The following HSPA12A variants were observed in gnomAD, a reference collection of about 807,000 sequenced individuals.
HSPA12A encodes the protein heat shock protein family A (Hsp70) member 12A, also known as heat shock 70 kDa protein 12A.
Under a neutral mutation model 69.2 loss-of-function variants are expected in HSPA12A, and 28 were observed. That is an observed-to-expected ratio of 0.40 (90% CI 0.30 to 0.55). The LOEUF (loss-of-function observed/expected upper bound fraction) is 0.55, where lower values mean the gene tolerates loss of function less well. Ranked by LOEUF, HSPA12A falls within the 20% of genes least tolerant of loss-of-function variation. HSPA12A has a pLI of 0.38. For missense variants in HSPA12A, 686 were observed against 900.7 expected (o/e 0.76, Z 3.05); for synonymous variants, 345 against 370.5 (o/e 0.93, Z 0.79).
chr10:116,695,755 G>A (rs1457682818), intron 5 of HSPA12A, among the ~76,000 whole-genome samples: 2 of 151,914 alleles, frequency 1.3e-5, no homozygotes, highest in Admixed American at 1.3e-4. Context: ...GGCAGAGCTT[G>A]CAGTGAGCCA....
chr10:116,692,282 TAC>T, intron 6 of HSPA12A, 67 bp downstream of exon 6: 1 of 1,243,570 alleles, frequency 8.0e-7, no homozygotes, highest in Non-Finnish European at 1.2e-6. Flanking sequence ...TGGGCGGGGC[TAC>T]AGTCACCACC....
chr10:116,728,242 T>G (rs574691547), intron 1 of HSPA12A, among the ~76,000 whole-genome samples: 2 of 152,224 alleles, frequency 1.3e-5, no homozygotes, highest in African/African-American at 4.8e-5. Flanking sequence ...TGCCCAGCCT[T>G]GTAAGTGTTC....
chr10:116,693,417 C>T (rs1020779828), intron 5 of HSPA12A, among the ~76,000 whole-genome samples: 1 of 152,144 alleles, frequency 6.6e-6, no homozygotes, highest in Admixed American at 6.5e-5. Context: ...CAATGGAGAT[C>T]ATAAAACTAA....
At chr10:116,812,180 C>T (rs1204271119) in intron 2 of HSPA12A, among the ~76,000 whole-genome samples, 4 of 152,158 alleles carry the variant, frequency 2.6e-5, no homozygotes, top group East Asian at 1.9e-4. Context: ...TGGCTGGGCA[C>T]GCTGGCTCAT....
chr10:116,835,373 A>C (rs1015696301), intron 1 of HSPA12A: 2 of 153,520 alleles, frequency 1.3e-5, no homozygotes, highest in African/African-American at 4.8e-5. Flanking sequence ...AGAGCTGCCA[A>C]AACTGAGGAA....
chr10:116,741,300 C>T (rs1389165379), intron 1 of HSPA12A, among the ~76,000 whole-genome samples: 1 of 152,254 alleles, frequency 6.6e-6, no homozygotes, highest in Non-Finnish European at 1.5e-5. Flanking sequence ...GACAGGGAAC[C>T]CAGCGCAGAT....
At chr10:116,791,952 CA>C (rs1418193714) in intron 2 of HSPA12A, among the ~76,000 whole-genome samples, 2 of 152,076 alleles carry the variant, frequency 1.3e-5, no homozygotes, top group African/African-American at 4.8e-5. Flanking sequence ...TCATCCTGCC[CA>C]GGTGTCTCTG....
At chr10:116,844,873 C>T (rs909637028) in intron 1 of HSPA12A, among the ~76,000 whole-genome samples, 66 of 152,210 alleles carry the variant, frequency 4.3e-4, no homozygotes, top group African/African-American at 1.5e-3. Context: ...TGAACAAATA[C>T]GTCTTTATTC....
chr10:116,805,585 G>C (rs1047743819), intron 2 of HSPA12A, among the ~76,000 whole-genome samples: 1 of 151,890 alleles, frequency 6.6e-6, no homozygotes, highest in Admixed American at 6.6e-5. Context: ...GATGTTGGGC[G>C]GGGGGGTACT....
intron 1 of HSPA12A, among the ~76,000 whole-genome samples, chr10:116,734,434 A>G (rs1620936): frequency 0.67 from 97,724 of 146,490 alleles, 33,531 homozygotes; most frequent in Middle Eastern, 0.86. Context: ...TGGGCAATAG[A>G]GCGAGACTCT....
chr10:116,839,345 C>T (rs1001147778), intron 1 of HSPA12A, among the ~76,000 whole-genome samples: 1 of 152,160 alleles, frequency 6.6e-6, no homozygotes, highest in African/African-American at 2.4e-5. Context: ...ACGAAGACCC[C>T]GGCTCTTCTT....
chr10:116,725,677 T>G (rs1554884888), intron 1 of HSPA12A, among the ~76,000 whole-genome samples: 2 of 152,180 alleles, frequency 1.3e-5, no homozygotes, highest in East Asian at 3.9e-4. Flanking sequence ...GGCGCTATCT[T>G]GGGACACAAA....
At chr10:116,755,758 A>G (rs1436764302) in intron 2 of HSPA12A, among the ~76,000 whole-genome samples, 3 of 151,128 alleles carry the variant, frequency 2.0e-5, no homozygotes, top group Non-Finnish European at 4.4e-5. Context: ...GCATGAGCCC[A>G]GGAATTCAGG....
intron 2 of HSPA12A, among the ~76,000 whole-genome samples, chr10:116,755,671 G>A (rs970384237): frequency 3.1e-4 from 47 of 150,650 alleles, no homozygotes; most frequent in Non-Finnish European, 7.4e-5. Context: ...CTTATTAAGC[G>A]GGGGATTGGG....
chr10:116,743,442 C>G (rs1277020722), upstream of HSPA12A, among the ~76,000 whole-genome samples: 1 of 152,200 alleles, frequency 6.6e-6, no homozygotes, highest in Non-Finnish European at 1.5e-5. Flanking sequence ...TTTCCGGGTG[C>G]CTGGCACTGT....
At chr10:116,676,596 T>C in intron 10 of HSPA12A, 94 bp from the exon 11 acceptor site, 1 of 1,000,860 alleles carries the variant, frequency 1.0e-6, no homozygotes, top group African/African-American at 1.6e-5. Context: ...AGAACATCTG[T>C]CACTTCTTAG....
In HSPA12A at chr10:116,724,002, A is replaced by T. The variant is rs543333163; in HGVS notation, c.41-16717T>A. On this transcript the variant is annotated intron_variant, in intron 1 of 11. Coordinates refer to ENST00000369209, the MANE Select transcript of HSPA12A (RefSeq NM_025015.3). ...CCCCAACAGAGGCGTATCGGGCAGC[A>T]CTGGCCGGAACTTTAGAAAGACAGA... Among the ~76,000 whole-genome samples the T allele has an allele frequency of 5.5e-4, 84 of 152,344 alleles. No individual in the cohort carries two copies. The Middle Eastern group carries it at 0.01, about 19-fold the overall frequency.
chr10:116,695,902 C>A (rs1849882554), intron 5 of HSPA12A, among the ~76,000 whole-genome samples: 1 of 148,480 alleles, frequency 6.7e-6, no homozygotes, highest in African/African-American at 2.5e-5. Context: ...ACTTGGGAGG[C>A]TGAGGCAAGG....
At chr10:116,683,672 C>T in intron 7 of HSPA12A, 119 bp downstream of exon 7, 1 of 1,072,202 alleles carries the variant, frequency 9.3e-7, no homozygotes, top group Non-Finnish European at 1.3e-6. Context: ...CCACCTCCTC[C>T]CGGAGTATCC....
Sources: gnomAD v4.1 joint callset for allele counts (sites outside exome capture counted in the v4.1 genomes callset) on GRCh38, gnomAD v4.1.1 for gene constraint, MANE v1.5 for transcripts, NCBI Gene and HGNC (gene_info 2026-07-23, HGNC 2026-07-21) for gene names.